Variants in PTPRQ observed in about 807,000 individuals in gnomAD.
PTPRQ encodes the protein protein tyrosine phosphatase receptor type Q.
A neutral mutation model predicts 246.0 loss-of-function variants in PTPRQ; 199 were observed. The observed-to-expected ratio is 0.81, with a 90% CI of 0.72 to 0.91. The LOEUF is 0.91. Ranked by LOEUF, PTPRQ falls within the 40% of genes least tolerant of loss-of-function variation. PTPRQ has a pLI of 0.00. For missense variants in PTPRQ, 2,624 were observed against 2,528.4 expected (o/e 1.04, Z -0.81); for synonymous variants, 869 against 853.2 (o/e 1.02, Z -0.32).
chr12:80,558,394 C>T (rs1396213792), intron 25 of PTPRQ, among the ~76,000 whole-genome samples: 1 of 151,286 alleles, frequency 6.6e-6, no homozygotes, highest in Admixed American at 6.6e-5. Flanking sequence ...TCTTGAACTC[C>T]TGAGCTCAGG....
intron 17 of PTPRQ, among the ~76,000 whole-genome samples, chr12:80,520,628 G>T (rs1368546034): frequency 6.6e-6 from 1 of 151,108 alleles, no homozygotes. Flanking sequence ...TTTTGTCCTT[G>T]TGATAGTTTG....
chr12:80,632,376 A>C, intron 34 of PTPRQ, 85 bp downstream of exon 34: 1 of 1,496,934 alleles, frequency 6.7e-7, no homozygotes, highest in Non-Finnish European at 9.0e-7. Context: ...AAGCCACAAC[A>C]GTTACTTGAA....
At chr12:80,522,329 C>G (rs10083017) in intron 17 of PTPRQ, among the ~76,000 whole-genome samples, 7,915 of 152,192 alleles carry the variant, frequency 0.052, 507 homozygotes, top group African/African-American at 0.14. Flanking sequence ...TTGACTTCCT[C>G]TTTTCCTAAT....
chr12:80,480,447 C>G (rs1592561305), intron 8 of PTPRQ, among the ~76,000 whole-genome samples: 1 of 151,572 alleles, frequency 6.6e-6, no homozygotes, highest in African/African-American at 2.4e-5. Context: ...GACAGCCTAA[C>G]ATCACAATTA....
chr12:80,643,772 CTT>C (rs1200906566), intron 35 of PTPRQ, among the ~76,000 whole-genome samples: 1 of 152,146 alleles, frequency 6.6e-6, no homozygotes, highest in African/African-American at 2.4e-5. Flanking sequence ...TCATTAGTGA[CTT>C]GATGAAATAT....
intron 33 of PTPRQ, among the ~76,000 whole-genome samples, chr12:80,631,016 G>A (rs535636569): frequency 5.9e-5 from 9 of 152,142 alleles, no homozygotes; most frequent in African/African-American, 1.9e-4. Context: ...GCCCAGCCCT[G>A]TTTATTAATT....
chr12:80,471,547 G>A (rs867282747), intron 7 of PTPRQ, among the ~76,000 whole-genome samples: 4 of 45,086 alleles, frequency 8.9e-5, no homozygotes, highest in Admixed American at 2.2e-4. Context: ...GCGGGATCTC[G>A]GCTCACTGCA....
rs1442127023 is a variant in PTPRQ, at chr12:80,669,078, A to C, written c.6264A>C (p.Arg2088Ser). 1 of 1,550,688 alleles carries C rather than the reference A, an allele frequency of 6.4e-7. No individual in the cohort carries two copies. Among genetic ancestry groups the C allele is most frequent in the East Asian group, 2.4e-5 (1 of 40,830 alleles). The part of the protein sequence containing the change: ...PLPGTVGDFW[R>S]MVWETRAKTL... ...CAGGAACAGTTGGAGATTTTTGGAG[A>C]ATGGTGTGGGAAACCAGAGCAAAAA... Residue 2088 changes from arginine to serine, a missense_variant, in exon 40 of 45, where the codon AGA becomes AGC. Transcript: ENST00000644991.
intron 17 of PTPRQ, among the ~76,000 whole-genome samples, chr12:80,524,122 C>CT (rs779949033): frequency 9.2e-5 from 14 of 152,190 alleles, no homozygotes; most frequent in South Asian, 8.3e-4. Context: ...TATGTAATGG[C>CT]CTTCTTTGTC....
chr12:80,573,969 G>A (rs537927459), intron 25 of PTPRQ, among the ~76,000 whole-genome samples: 1 of 151,970 alleles, frequency 6.6e-6, no homozygotes, highest in East Asian at 1.9e-4. Flanking sequence ...CCGCCTAATC[G>A]TTCTAACAGT....
chr12:80,568,246 CAT>C (rs992006488), intron 25 of PTPRQ, among the ~76,000 whole-genome samples: 6 of 152,178 alleles, frequency 3.9e-5, no homozygotes, highest in African/African-American at 1.4e-4. Flanking sequence ...ACATTAGAAA[CAT>C]AGAGATTTTT....
intron 26 of PTPRQ, among the ~76,000 whole-genome samples, chr12:80,595,280 A>G (rs951509494): frequency 1.3e-5 from 2 of 152,094 alleles, no homozygotes; most frequent in African/African-American, 2.4e-5. Context: ...AAGCATAAAT[A>G]GCCAGCCGCG....
At chr12:80,464,090 C>A (rs931004288) in intron 6 of PTPRQ, among the ~76,000 whole-genome samples, 1 of 151,912 alleles carries the variant, frequency 6.6e-6, no homozygotes, top group Non-Finnish European at 1.5e-5. Context: ...GATAAAGAGT[C>A]AAGACCCATC....
At chr12:80,496,644 T>C in intron 14 of PTPRQ, 113 bp downstream of exon 14, 8 of 1,310,118 alleles carry the variant, frequency 6.1e-6, no homozygotes, top group Non-Finnish European at 8.1e-6. Flanking sequence ...CATTATTTTG[T>C]TTTATATAAT....
chr12:80,503,944 A>AT (rs57295504), intron 14 of PTPRQ, among the ~76,000 whole-genome samples: 27 of 149,458 alleles, frequency 1.8e-4, no homozygotes, highest in African/African-American at 3.2e-4. Flanking sequence ...TATGTAGAAG[A>AT]TTTTTTTTTT....
intron 33 of PTPRQ, among the ~76,000 whole-genome samples, chr12:80,629,864 C>G (rs1245275307): frequency 1.3e-5 from 2 of 152,032 alleles, no homozygotes; most frequent in Admixed American, 1.3e-4. Context: ...ATACATAAAA[C>G]TAGAAAAAAT....
chr12:80,469,506 T>C (rs1893556126), intron 7 of PTPRQ, among the ~76,000 whole-genome samples: 1 of 152,154 alleles, frequency 6.6e-6, no homozygotes, highest in Admixed American at 6.5e-5. Flanking sequence ...TGAGAGCCTC[T>C]GATTCTATGA....
intron 25 of PTPRQ, among the ~76,000 whole-genome samples, chr12:80,578,833 A>G (rs1897348937): frequency 6.6e-6 from 1 of 151,956 alleles, no homozygotes; most frequent in Non-Finnish European, 1.5e-5. Flanking sequence ...AGATTATTGT[A>G]TTTTTGTTCA....
At chr12:80,458,389 T>C (rs1055560318) in intron 4 of PTPRQ, among the ~76,000 whole-genome samples, 1 of 152,104 alleles carries the variant, frequency 6.6e-6, no homozygotes, top group African/African-American at 2.4e-5. Flanking sequence ...CCTTATATCA[T>C]TCATATAGAC....
Sources: gnomAD v4.1 joint callset for allele counts (sites outside exome capture counted in the v4.1 genomes callset) on GRCh38, gnomAD v4.1.1 for gene constraint, MANE v1.5 for transcripts, NCBI Gene and HGNC (gene_info 2026-07-23, HGNC 2026-07-21) for gene names.